The following SPEF2 variants were observed in gnomAD, a reference collection of about 807,000 sequenced individuals.
SPEF2 encodes the protein sperm flagellar and cilia associated 2, also known as sperm flagella and cilia-associated protein 2.
A neutral mutation model predicts 224.6 loss-of-function variants in SPEF2; 187 were observed. That is an observed-to-expected ratio of 0.83 (90% CI 0.74 to 0.94). The LOEUF (loss-of-function observed/expected upper bound fraction) is 0.94, where lower values mean the gene tolerates loss of function less well. Among genes scored for constraint, SPEF2 ranks in the 40% least tolerant of loss-of-function variants. The pLI is 0.00. For synonymous variants in SPEF2, 715 were observed against 707.3 expected, an observed-to-expected ratio of 1.01 and a Z score of -0.17; for missense variants, 2,170 against 2,135.6, an observed-to-expected ratio of 1.02 and a Z score of -0.32.
At chr5:35,744,405 C>T (rs904750440) in intron 23 of SPEF2, among the ~76,000 whole-genome samples, 1 of 152,152 alleles carries the variant, frequency 6.6e-6, no homozygotes, top group Admixed American at 6.5e-5. Flanking sequence ...TGCTTTAATC[C>T]CTTTTTATCC....
intron 1 of SPEF2, among the ~76,000 whole-genome samples, chr5:35,619,248 A>G (rs1289408561): frequency 1.3e-5 from 2 of 152,222 alleles, no homozygotes; most frequent in African/African-American, 2.4e-5. Context: ...GACTGAGGAC[A>G]ATATTTAGCA....
chr5:35,752,456 G>A (rs926198041), intron 23 of SPEF2, among the ~76,000 whole-genome samples: 2 of 151,742 alleles, frequency 1.3e-5, no homozygotes, highest in Non-Finnish European at 2.9e-5. Flanking sequence ...GAATGGCTAA[G>A]TTTTTATTTT....
chr5:35,802,107 G>A (rs73088244), intron 34 of SPEF2, among the ~76,000 whole-genome samples: 4,022 of 152,172 alleles, frequency 0.026, 173 homozygotes, highest in African/African-American at 0.092. Flanking sequence ...GCAGATTAAC[G>A]TGAGGCCTTG....
At chr5:35,657,465 G>A (rs1298829068) in intron 7 of SPEF2, among the ~76,000 whole-genome samples, 1 of 152,040 alleles carries the variant, frequency 6.6e-6, no homozygotes, top group African/African-American at 2.4e-5. Flanking sequence ...GATAGGGGTG[G>A]TGTCACTGGG....
chr5:35,754,102 G>A (rs1214676971), intron 24 of SPEF2, among the ~76,000 whole-genome samples: 1 of 152,136 alleles, frequency 6.6e-6, no homozygotes, highest in East Asian at 1.9e-4. Flanking sequence ...GACAAAGAAA[G>A]CCCAGGAAAG....
intron 32 of SPEF2, among the ~76,000 whole-genome samples, chr5:35,794,580 G>T (rs1756407558): frequency 6.6e-6 from 1 of 152,146 alleles, no homozygotes; most frequent in Non-Finnish European, 1.5e-5. Flanking sequence ...AACAAAAGCA[G>T]CAGAGCAAAA....
At chr5:35,789,809 G>A (rs1290375078) in intron 30 of SPEF2, 7 of 702,078 alleles carry the variant, frequency 1.0e-5, no homozygotes, top group Non-Finnish European at 1.8e-5. Context: ...AGAATTTGGA[G>A]AAAAAGAGGT....
At position 35,779,301 on chromosome 5, in the gene SPEF2, CAGCTT is replaced by C. The variant is rs778665418; in HGVS notation, c.4403_4407del (p.Gln1468ArgfsTer13). ...AGAAGATGGTACCCTGACCATTGAA[CAGCTT>C]GACAGTCTTCGAGATCAGTTCTTAG... On this transcript the variant is annotated frameshift_variant, in exon 30 of 37. Coordinates refer to ENST00000356031, the MANE Select transcript of SPEF2 (RefSeq NM_024867.4). LOFTEE classifies it high-confidence loss of function. 6.2e-7 allele frequency: 1 copy of C among 1,613,348 alleles called. No individual in the cohort carries two copies. The highest frequency in any genetic ancestry group is 1.7e-5 in the Admixed American group (1 of 59,900).
At chr5:35,666,942 A>G (rs933841202) in intron 8 of SPEF2, 130 bp from the exon 9 acceptor site, 1 of 761,346 alleles carries the variant, frequency 1.3e-6, no homozygotes, top group Non-Finnish European at 2.1e-6. Context: ...GTGTTCATTC[A>G]TGATTAATTT....
intron 19 of SPEF2, chr5:35,709,826 G>C: frequency 1.0e-6 from 1 of 985,320 alleles, no homozygotes; most frequent in African/African-American, 1.7e-5. Flanking sequence ...GTATCCATTT[G>C]TGTGTGTATA....
intron 2 of SPEF2, among the ~76,000 whole-genome samples, chr5:35,634,236 T>A (rs768796209): frequency 1.3e-5 from 2 of 152,072 alleles, no homozygotes; most frequent in Non-Finnish European, 2.9e-5. Flanking sequence ...TAGTTTTTGT[T>A]TATCCTTCAG....
intron 13 of SPEF2, 97 bp downstream of exon 13, chr5:35,694,460 C>T (rs1030786260): frequency 3.2e-5 from 36 of 1,132,268 alleles, no homozygotes; most frequent in East Asian, 1.0e-4. Context: ...GGGAAATAAA[C>T]GGGAACCAAG....
intron 23 of SPEF2, 69 bp from the exon 24 acceptor site, chr5:35,753,554 GT>G: frequency 6.3e-7 from 1 of 1,597,722 alleles, no homozygotes; most frequent in East Asian, 2.2e-5. Context: ...AAGGATTTTA[GT>G]TTTATTGCAC....
At chr5:35,737,706 G>T (rs950804511) in intron 21 of SPEF2, among the ~76,000 whole-genome samples, 6 of 152,068 alleles carry the variant, frequency 3.9e-5, no homozygotes, top group Non-Finnish European at 7.4e-5. Context: ...CAGCATGATT[G>T]ATACTCCTTT....
At chr5:35,792,524 G>C in intron 31 of SPEF2, 78 bp downstream of exon 31, 1 of 1,193,590 alleles carries the variant, frequency 8.4e-7, no homozygotes, top group Non-Finnish European at 1.2e-6. Context: ...CTAAAATAAT[G>C]AGTACTTGCA....
chr5:35,638,739 G>C (rs1207269610), intron 2 of SPEF2, among the ~76,000 whole-genome samples: 3 of 152,164 alleles, frequency 2.0e-5, no homozygotes, highest in Admixed American at 6.6e-5. Flanking sequence ...AATGATAAAT[G>C]AATGTTTACT....
intron 18 of SPEF2, among the ~76,000 whole-genome samples, chr5:35,706,177 G>A (rs9292602): frequency 0.02 from 3,005 of 151,902 alleles, 108 homozygotes; most frequent in African/African-American, 0.069. Flanking sequence ...GAACATTAGA[G>A]ATATTGTAGA....
chr5:35,714,415 G>C (rs906090609), intron 20 of SPEF2, among the ~76,000 whole-genome samples: 3 of 151,610 alleles, frequency 2.0e-5, no homozygotes, highest in Admixed American at 6.6e-5. Context: ...CTATTTATGA[G>C]GGGTGGTGTC....
chr5:35,711,944 T>A (rs1741234001), intron 19 of SPEF2, among the ~76,000 whole-genome samples: 1 of 152,122 alleles, frequency 6.6e-6, no homozygotes, highest in South Asian at 2.1e-4. Flanking sequence ...TTAAAATCAT[T>A]TGGTAAATAA....
Sources: allele counts gnomAD v4.1 joint callset (sites outside exome capture counted in the v4.1 genomes callset), GRCh38; gene constraint gnomAD v4.1.1; transcripts MANE v1.5; gene names NCBI Gene and HGNC (gene_info 2026-07-23, HGNC 2026-07-21).